The following ATXN10 variants were observed in gnomAD, a reference collection of about 807,000 sequenced individuals.
ATXN10 encodes the protein ataxin-10.
A neutral mutation model predicts 52.9 loss-of-function variants in ATXN10; 28 were observed. That is an observed-to-expected ratio of 0.53 (90% CI 0.39 to 0.73). The LOEUF (loss-of-function observed/expected upper bound fraction) is 0.73. ATXN10 is among the 30% of genes least tolerant of loss of function. ATXN10 has a pLI of 0.00. For missense variants in ATXN10, 565 were observed against 577.0 expected (o/e 0.98, Z 0.21); for synonymous variants, 226 against 221.5 (o/e 1.02, Z -0.18).
Position 45,770,139 on chromosome 22 carries a change from C to T in ATXN10, c.1173+29601C>T, listed in dbSNP as rs192847442. Among the ~76,000 whole-genome samples, 1 of 152,324 alleles carries T rather than the reference C, an allele frequency of 6.6e-6. No individual in the cohort carries two copies. Among genetic ancestry groups the T allele is most frequent in the Non-Finnish European group, 1.5e-5 (1 of 68,028 alleles). On this transcript the variant is annotated intron_variant, in intron 9 of 11. Transcript: ENST00000252934. The surrounding 1 kb of genome is among the most constrained non-coding windows in gnomAD (Gnocchi z 4.5). Reference sequence around the variant, plus strand: ...TGCCATTTACCTAGGAGAGGTGTTACTCCTGTCTTACACATGAGGACATGA... The same window carrying T: ...TGCCATTTACCTAGGAGAGGTGTTATTCCTGTCTTACACATGAGGACATGA...
Position 45,718,542 on chromosome 22 carries a change from G to A in ATXN10, c.728+49G>A. 2 of 1,463,958 alleles carry A rather than the reference G, an allele frequency of 1.4e-6. No individual in the cohort carries two copies. Among genetic ancestry groups the A allele is most frequent in the Non-Finnish European group, 1.9e-6 (2 of 1,043,286 alleles). 90.7% of individuals were successfully genotyped at this position (1,463,958 alleles called of 1,614,324 possible). ...TGGAGTATTTAGCATTCCATATAGG[G>A]TATTCGATGCACGTGACTGAAAAGC... On this transcript the variant is annotated intron_variant, in intron 6 of 11. Coordinates refer to ENST00000252934, the MANE Select transcript of ATXN10 (RefSeq NM_013236.4). The surrounding 1 kb of genome is among the most constrained non-coding windows in gnomAD (Gnocchi z 4.4).
chr22:45,791,907 G>A (rs1158914974), intron 9 of ATXN10, among the ~76,000 whole-genome samples: 1 of 152,108 alleles, frequency 6.6e-6, no homozygotes, highest in Admixed American at 6.5e-5. Context: ...AGCTATTTGC[G>A]TCTTTGTGTT....
chr22:45,691,688 G>A (rs1923384424), intron 2 of ATXN10, among the ~76,000 whole-genome samples: 1 of 152,226 alleles, frequency 6.6e-6, no homozygotes, highest in Non-Finnish European at 1.5e-5. Context: ...GAGGTCAGGA[G>A]TTCGAGACCA....
intron 7 of ATXN10, among the ~76,000 whole-genome samples, chr22:45,734,924 G>C (rs181143770): frequency 6.7e-6 from 1 of 149,030 alleles, no homozygotes; most frequent in East Asian, 1.9e-4. Flanking sequence ...TTGCTCTGTT[G>C]CCCAGGCTGG....
intron 9 of ATXN10, among the ~76,000 whole-genome samples, chr22:45,788,506 C>T (rs1468628897): frequency 6.6e-6 from 1 of 151,716 alleles, no homozygotes; most frequent in Non-Finnish European, 1.5e-5. Context: ...TTCAGGCCTG[C>T]ATCACCTTTC....
rs12167563 is a variant in ATXN10 at position 45,738,573 on chromosome 22, T to G, written c.895-158T>G. Reference sequence around the variant, plus strand: ...ATGAGTCGTGTACATATTTCATACTTCTGTTTTGTTCTTCATAGTTTTGTT... The same window carrying G: ...ATGAGTCGTGTACATATTTCATACTGCTGTTTTGTTCTTCATAGTTTTGTT... On this transcript the variant is annotated intron_variant, in intron 7 of 11. Transcript: ENST00000252934. The G allele has an allele frequency of 4.2e-4, 267 of 642,408 alleles. No homozygotes were observed. The African/African-American group carries it at 4.3e-3, about 10-fold the overall frequency. The allele number at this position is 642,408 out of a possible 1,614,324, so 39.8% of individuals were successfully genotyped here.
chr22:45,692,092 A>G (rs1189098717), intron 2 of ATXN10, among the ~76,000 whole-genome samples: 1 of 152,238 alleles, frequency 6.6e-6, no homozygotes, highest in Non-Finnish European at 1.5e-5. Flanking sequence ...TAAATGCCTA[A>G]TGCACATTGT....
At position 45,712,642 on chromosome 22, in the gene ATXN10, C is replaced by T. The variant is rs1251311618; in HGVS notation, c.648-5771C>T. 6.6e-6 allele frequency among the ~76,000 whole-genome samples: 1 copy of T among 152,116 alleles called. No homozygotes were observed. Among genetic ancestry groups the T allele is most frequent in the Non-Finnish European group, 1.5e-5 (1 of 68,014 alleles). Reference sequence around the variant, plus strand: ...GGCTGGGATGTGCGTGTGTGTAATACGTTTCCCCCAGTGCCTGGCACATGT... The same window carrying T: ...GGCTGGGATGTGCGTGTGTGTAATATGTTTCCCCCAGTGCCTGGCACATGT... On this transcript the variant is annotated intron_variant, in intron 5 of 11. Transcript: ENST00000252934. This position sits in a 1 kb window ranked among gnomAD's most constrained non-coding sequence, Gnocchi z 4.6.
chr22:45,699,109 A>G (rs763411781), intron 3 of ATXN10, among the ~76,000 whole-genome samples: 1 of 152,320 alleles, frequency 6.6e-6, no homozygotes, highest in Non-Finnish European at 1.5e-5. Flanking sequence ...AGCATGAGTT[A>G]TTTTAATTGA....
rs1569021770 is a variant in ATXN10, at chr22:45,684,013, G to T, written c.117-5699G>T. ...GTCACCCAGGCCTGAGTGCAGTGTT[G>T]TGATCATAGCTCACCATAGCCTTGA... On this transcript the variant is annotated intron_variant, in intron 1 of 11. Coordinates refer to ENST00000252934, the MANE Select transcript of ATXN10 (RefSeq NM_013236.4). This position sits in a 1 kb window ranked among gnomAD's most constrained non-coding sequence, Gnocchi z 4.1. 6.6e-6 allele frequency among the ~76,000 whole-genome samples: 1 copy of T among 152,044 alleles called. No homozygotes were observed. The highest frequency in any genetic ancestry group is 1.5e-5 in the Non-Finnish European group (1 of 68,022).
At chr22:45,755,910 A>G (rs1459328370) in intron 9 of ATXN10, among the ~76,000 whole-genome samples, 1 of 152,152 alleles carries the variant, frequency 6.6e-6, no homozygotes. Context: ...AGCTTGCCTG[A>G]GGTCACACAC....
Position 45,763,548 on chromosome 22 carries a change from C to T in ATXN10, c.1173+23010C>T, listed in dbSNP as rs1926474036. On this transcript the variant is annotated intron_variant, in intron 9 of 11. Transcript: ENST00000252934. The surrounding 1 kb of genome is among the most constrained non-coding windows in gnomAD (Gnocchi z 6.9). Reference sequence around the variant, plus strand: ...TTTGCTCATCTCCTCACAGGTCTTTCCTGCCCCCTACCTGTTAAAAGTCGG... The same window carrying T: ...TTTGCTCATCTCCTCACAGGTCTTTTCTGCCCCCTACCTGTTAAAAGTCGG... Among the ~76,000 whole-genome samples the T allele has an allele frequency of 6.6e-6, 1 of 152,302 alleles. No homozygotes were observed.
Position 45,819,143 on chromosome 22 carries a change from C to T in ATXN10, c.1237+12121C>T, listed in dbSNP as rs762348729. Among the ~76,000 whole-genome samples the T allele has an allele frequency of 2.0e-5, 3 of 151,860 alleles. No homozygotes were observed. Among genetic ancestry groups the T allele is most frequent in the Non-Finnish European group, 4.4e-5 (3 of 67,990 alleles). On this transcript the variant is annotated intron_variant, in intron 10 of 11. Transcript: ENST00000252934. The surrounding 1 kb of genome is among the most constrained non-coding windows in gnomAD (Gnocchi z 4.5). Reference sequence around the variant, plus strand: ...TCAAACAGTACATTTAACAGAGTAGCCATCCTGCATTCCTCCTGGTTTCTC... The same window carrying T: ...TCAAACAGTACATTTAACAGAGTAGTCATCCTGCATTCCTCCTGGTTTCTC...
chr22:45,830,257 A>C (rs536655238), intron 10 of ATXN10, among the ~76,000 whole-genome samples: 6 of 152,358 alleles, frequency 3.9e-5, no homozygotes, highest in Admixed American at 2.6e-4. Context: ...ATGAAAATAC[A>C]GAGCAGAAGC....
chr22:45,842,455 C>T lies in ATXN10; in HGVS notation c.1238-536C>T, dbSNP rs183237081. ...AGCTTCATCTTTAGAATACTGAATGCGGGAAATTCCACAGTGACTCCTAGG... is the reference window on the plus strand; with the variant it reads ...AGCTTCATCTTTAGAATACTGAATGTGGGAAATTCCACAGTGACTCCTAGG... On this transcript the variant is annotated intron_variant, in intron 10 of 11. Coordinates refer to ENST00000252934, the MANE Select transcript of ATXN10 (RefSeq NM_013236.4). This position sits in a 1 kb window ranked among gnomAD's most constrained non-coding sequence, Gnocchi z 4.8. Among the ~76,000 whole-genome samples, 6 of 152,234 alleles carry T rather than the reference C, an allele frequency of 3.9e-5. No homozygotes were observed. The highest frequency in any genetic ancestry group is 2.1e-4 in the South Asian group (1 of 4,806).
At chr22:45,811,154 A>T (rs1200788199) in intron 10 of ATXN10, among the ~76,000 whole-genome samples, 2 of 152,200 alleles carry the variant, frequency 1.3e-5, no homozygotes, top group African/African-American at 4.8e-5. Context: ...CTTTTTCATT[A>T]CATAAATTTT....
At position 45,696,699 on chromosome 22, in the gene ATXN10, T is replaced by A. The variant is rs986662173; in HGVS notation, c.392-3583T>A. 6.6e-6 allele frequency among the ~76,000 whole-genome samples: 1 copy of A among 152,244 alleles called. No individual in the cohort carries two copies. The highest frequency in any genetic ancestry group is 6.5e-5 in the Admixed American group (1 of 15,286). ...ACTCCATGTCCCCGTCAGTCCAGTA[T>A]CTCGTTTTTCTGCTCTATCCCAAAT... On this transcript the variant is annotated intron_variant, in intron 3 of 11. Transcript: ENST00000252934. The surrounding 1 kb of genome is among the most constrained non-coding windows in gnomAD (Gnocchi z 4.7).
intron 10 of ATXN10, among the ~76,000 whole-genome samples, chr22:45,821,581 C>G (rs570141693): frequency 6.6e-6 from 1 of 152,260 alleles, no homozygotes; most frequent in African/African-American, 2.4e-5. Flanking sequence ...ATTATTTGTT[C>G]AGTTATATGT....
intron 1 of ATXN10, among the ~76,000 whole-genome samples, chr22:45,687,035 T>C (rs1307370407): frequency 6.6e-6 from 1 of 152,166 alleles, no homozygotes; most frequent in Non-Finnish European, 1.5e-5. Context: ...ACGCGAATTA[T>C]TGTGTGCCAA....
Sources: gnomAD v4.1 joint callset for allele counts (sites outside exome capture counted in the v4.1 genomes callset) on GRCh38, gnomAD v4.1.1 for gene constraint, Gnocchi (gnomAD v3.1) non-coding constraint, MANE v1.5 for transcripts, NCBI Gene and HGNC (gene_info 2026-07-23, HGNC 2026-07-21) for gene names.